SNX29: variants seen among roughly 807,000 people sequenced by gnomAD.
SNX29 encodes sorting nexin-29.
A neutral mutation model predicts 102.1 loss-of-function variants in SNX29; 78 were observed. The ratio of observed to expected loss-of-function variants is 0.76; its 90% confidence interval spans 0.64 to 0.92. The LOEUF (loss-of-function observed/expected upper bound fraction) is 0.92. SNX29 is among the 40% of genes least tolerant of loss of function. The pLI is 0.00. For synonymous variants in SNX29, 580 were observed against 414.5 expected, an observed-to-expected ratio of 1.40 and a Z score of -4.85; for missense variants, 1,280 against 1,061.7, an observed-to-expected ratio of 1.21 and a Z score of -2.86.
intron 3 of SNX29, 151 bp from the exon 4 acceptor site, chr16:12,027,169 A>G: frequency 1.2e-6 from 1 of 843,378 alleles, no homozygotes; most frequent in Non-Finnish European, 1.8e-6. Flanking sequence ...GGCGCAGGTC[A>G]GTTACCAAGC....
At chr16:12,140,815 C>G (rs1247344613) in intron 13 of SNX29, among the ~76,000 whole-genome samples, 1 of 152,178 alleles carries the variant, frequency 6.6e-6, no homozygotes, top group East Asian at 1.9e-4. Flanking sequence ...GGTCCAGCTA[C>G]TTTGGCATAT....
intron 14 of SNX29, among the ~76,000 whole-genome samples, chr16:12,269,938 G>A (rs1010874978): frequency 6.6e-6 from 1 of 151,998 alleles, no homozygotes; most frequent in African/African-American, 2.4e-5. Flanking sequence ...TTGGGTCGCT[G>A]CAGTTTCCAT....
chr16:12,301,813 A>G (rs1227180664), intron 15 of SNX29, among the ~76,000 whole-genome samples: 2 of 152,282 alleles, frequency 1.3e-5, no homozygotes, highest in South Asian at 2.1e-4. Flanking sequence ...GCCTTGCCCT[A>G]TGGACAGAGA....
chr16:12,309,618 T>C (rs746277897), intron 15 of SNX29, among the ~76,000 whole-genome samples: 2 of 152,252 alleles, frequency 1.3e-5, no homozygotes, highest in East Asian at 1.9e-4. Context: ...TGTCGTCACA[T>C]AGTAGGTCTT....
At chr16:12,460,934 C>G (rs1256443273) in intron 18 of SNX29, among the ~76,000 whole-genome samples, 6 of 152,172 alleles carry the variant, frequency 3.9e-5, no homozygotes, top group Non-Finnish European at 7.3e-5. Context: ...AGCCACCGTA[C>G]CCAGCCAAAT....
chr16:12,555,427 T>A (rs1424864217), intron 20 of SNX29, among the ~76,000 whole-genome samples: 2 of 152,066 alleles, frequency 1.3e-5, no homozygotes, highest in Non-Finnish European at 2.9e-5. Context: ...GGTTGCTTTG[T>A]AGGAGACACT....
chr16:12,166,136 T>C (rs1319327486), intron 13 of SNX29, among the ~76,000 whole-genome samples: 7 of 152,224 alleles, frequency 4.6e-5, no homozygotes, highest in Admixed American at 4.6e-4. Flanking sequence ...TGGTTAAAAA[T>C]GTGATTTGGT....
chr16:12,526,887 CA>C (rs1304030198), intron 20 of SNX29: 1 of 395,342 alleles, frequency 2.5e-6, no homozygotes, highest in Non-Finnish European at 4.7e-6. Context: ...GTCGGTGTGA[CA>C]TGAATCTCAG....
chr16:12,131,477 A>G (rs1189496797), intron 13 of SNX29, among the ~76,000 whole-genome samples: 1 of 151,900 alleles, frequency 6.6e-6, no homozygotes, highest in African/African-American at 2.4e-5. Context: ...AGCAGCTTTT[A>G]TTGTTTCCAT....
intron 14 of SNX29, among the ~76,000 whole-genome samples, chr16:12,210,831 T>C (rs1182507054): frequency 1.3e-5 from 2 of 152,136 alleles, no homozygotes; most frequent in Non-Finnish European, 2.9e-5. Context: ...TTTGTATTTG[T>C]TTGATGGGCT....
At chr16:12,155,933 C>A (rs888492564) in intron 13 of SNX29, among the ~76,000 whole-genome samples, 1 of 152,202 alleles carries the variant, frequency 6.6e-6, no homozygotes, top group Non-Finnish European at 1.5e-5. Context: ...GAAGTAAAGC[C>A]AAAGCTGGTG....
chr16:12,402,622 C>G (rs1418055934), intron 17 of SNX29, among the ~76,000 whole-genome samples: 1 of 152,216 alleles, frequency 6.6e-6, no homozygotes, highest in Non-Finnish European at 1.5e-5. Flanking sequence ...AGTTTAAAGT[C>G]ATCACAGAAG....
rs373254099 is a variant in SNX29 at position 12,185,193 on chromosome 16, G to A, written c.1596-14408G>A. On this transcript the variant is annotated intron_variant, in intron 13 of 20. Coordinates refer to ENST00000566228, the MANE Select transcript of SNX29 (RefSeq NM_032167.5). ...GGGGTCTCAAACTGGAATTCCTACAGGGGCCAGGTAGATAACGGAAGTGAA... is the reference window on the plus strand; with the variant it reads ...GGGGTCTCAAACTGGAATTCCTACAAGGGCCAGGTAGATAACGGAAGTGAA... Among the ~76,000 whole-genome samples, 4 of 152,270 alleles carry A rather than the reference G, an allele frequency of 2.6e-5. No homozygotes were observed. In the South Asian group the frequency reaches 6.2e-4, roughly 24 times the overall value.
chr16:12,543,628 T>G (rs1597862118), intron 20 of SNX29, among the ~76,000 whole-genome samples: 1 of 151,806 alleles, frequency 6.6e-6, no homozygotes, highest in African/African-American at 2.4e-5. Context: ...GCCCCAGTGC[T>G]CCGCAGCTGG....
At chr16:12,524,940 C>T in intron 20 of SNX29, 99 bp downstream of exon 20, 1 of 1,508,648 alleles carries the variant, frequency 6.6e-7, no homozygotes, top group South Asian at 1.3e-5. Context: ...TCCGTGATGC[C>T]CTGATCGCCA....
rs565867421 is a variant in SNX29, at chr16:12,564,623, G to A, written c.2319-3883G>A. Among the ~76,000 whole-genome samples, 7 of 151,372 alleles carry A rather than the reference G, an allele frequency of 4.6e-5. No homozygotes were observed. The South Asian group carries it at 1.5e-3, about 31-fold the overall frequency. On this transcript the variant is annotated intron_variant, in intron 20 of 20. Coordinates refer to ENST00000566228, the MANE Select transcript of SNX29 (RefSeq NM_032167.5). The stretch of plus-strand genomic sequence containing the variant: ...TGAAACTGTAACAGACCTAGTCCCA[G>A]CATTAACAGAGTCCCTGCTGGGGAG...
rs774797559 is a variant in SNX29, at chr16:12,042,952, C to T, written c.303C>T (p.Arg101=). ...KEVLNKHELQ[R]FYSLRHIASD... ...TCCTCAACAAGCACGAGCTGCAGCG[C>T]TTCTACTCCCTGCGCCACATCGCCT... The change falls in exon 5 of 21, where the codon CGC becomes CGT. Residue 101 remains arginine, a synonymous_variant. Transcript: ENST00000566228. 3 of 1,613,794 alleles carry T rather than the reference C, an allele frequency of 1.9e-6. No individual in the cohort carries two copies. Among genetic ancestry groups the T allele is most frequent in the Non-Finnish European group, 2.5e-6 (3 of 1,179,856 alleles).
At position 12,536,145 on chromosome 16, in the gene SNX29, T is replaced by C. The variant is rs537175817; in HGVS notation, c.2318+11304T>C. ...CCCAGCTTTGGTGCTGGCACTCGCCTGTGAGCGCAGAATCTCCTGGCTTAG... is the reference window on the plus strand; with the variant it reads ...CCCAGCTTTGGTGCTGGCACTCGCCCGTGAGCGCAGAATCTCCTGGCTTAG... On this transcript the variant is annotated intron_variant, in intron 20 of 20. Coordinates refer to ENST00000566228, the MANE Select transcript of SNX29 (RefSeq NM_032167.5). Among the ~76,000 whole-genome samples the C allele has an allele frequency of 1.7e-3, 264 of 152,304 alleles. 2 individuals are homozygous for C. The highest frequency in any genetic ancestry group is 4.2e-3 in the Admixed American group (64 of 15,304).
chr16:12,555,194 C>G (rs1016994021), intron 20 of SNX29, among the ~76,000 whole-genome samples: 1 of 151,810 alleles, frequency 6.6e-6, no homozygotes, highest in Non-Finnish European at 1.5e-5. Context: ...GTGTGGCATG[C>G]AGACTGGACT....
Sources: allele counts gnomAD v4.1 joint callset (sites outside exome capture counted in the v4.1 genomes callset), GRCh38; gene constraint gnomAD v4.1.1; transcripts MANE v1.5; gene names NCBI Gene and HGNC (gene_info 2026-07-23, HGNC 2026-07-21).